The following RAB27B variants were observed in gnomAD, a reference collection of about 807,000 sequenced individuals.
RAB27B encodes the protein RAB27B, member RAS oncogene family.
RAB27B carries 15 observed loss-of-function variants against 24.6 expected under a neutral mutation model. That is an observed-to-expected ratio of 0.61 (90% confidence interval 0.41 to 0.94). The LOEUF (loss-of-function observed/expected upper bound fraction) is 0.94. Among genes scored for constraint, RAB27B ranks in the 40% least tolerant of loss-of-function variants. The probability of loss-of-function intolerance (pLI) is 0.00; values close to 1 mark genes in which losing one functional copy is unlikely to be tolerated. For synonymous variants in RAB27B, 105 were observed against 92.5 expected (o/e 1.14, Z -0.78); for missense variants, 261 against 266.8 (o/e 0.98, Z 0.15).
chr18:54,806,963 G>A (rs1286413311), intron 2 of RAB27B, among the ~76,000 whole-genome samples: 4 of 152,060 alleles, frequency 2.6e-5, no homozygotes, highest in Non-Finnish European at 4.4e-5. Context: ...CTGGAGTCCA[G>A]TGGCACAATC....
chr18:54,839,126 T>G (rs567098410), intron 1 of RAB27B, among the ~76,000 whole-genome samples: 1 of 152,224 alleles, frequency 6.6e-6, no homozygotes, highest in Non-Finnish European at 1.5e-5. Context: ...TTATCAAGGG[T>G]GAAAATATGC....
rs533155947 is a variant in RAB27B at position 54,731,618 on chromosome 18, G to C, written c.-20+13477G>C. Among the ~76,000 whole-genome samples the C allele has an allele frequency of 2.0e-5, 3 of 152,276 alleles. No individual in the cohort carries two copies. The South Asian group carries it at 6.2e-4, about 32-fold the overall frequency. On this transcript the variant is annotated intron_variant, in intron 2 of 4. Coordinates refer to the RAB27B transcript ENST00000586570. ...GCCTGTAATCCCAGCTACTCAGAAG[G>C]CTGAGGCAGGAGAATTGCTTGAACC...
chr18:54,819,151 TA>T (rs1910213018), intron 2 of RAB27B, among the ~76,000 whole-genome samples: 1 of 147,912 alleles, frequency 6.8e-6, no homozygotes, highest in East Asian at 1.9e-4. Context: ...TTATTATAAA[TA>T]ATTATATATT....
chr18:54,856,967 A>G (rs1598965507), intron 1 of RAB27B, among the ~76,000 whole-genome samples: 1 of 152,258 alleles, frequency 6.6e-6, no homozygotes, highest in African/African-American at 2.4e-5. Flanking sequence ...TGCTTTTCAA[A>G]TGTTTTTAAA....
chr18:54,780,233 A>G (rs1433781571), intron 2 of RAB27B, among the ~76,000 whole-genome samples: 3 of 75,918 alleles, frequency 4.0e-5, no homozygotes, highest in African/African-American at 5.5e-5. Flanking sequence ...TCTCCAGACA[A>G]CCTCCCCCTC....
chr18:54,735,343 C>G (rs1465230071), intron 2 of RAB27B, among the ~76,000 whole-genome samples: 1 of 152,104 alleles, frequency 6.6e-6, no homozygotes, highest in Non-Finnish European at 1.5e-5. Context: ...GTTCTTCAGT[C>G]ACACTCTCCA....
intron 1 of RAB27B, among the ~76,000 whole-genome samples, chr18:54,873,195 A>G (rs1297948092): frequency 6.6e-6 from 1 of 152,192 alleles, no homozygotes; most frequent in Non-Finnish European, 1.5e-5. Context: ...GAGGGGCTAG[A>G]CCACCTGATT....
At chr18:54,825,015 A>C (rs1218115286), upstream of RAB27B, among the ~76,000 whole-genome samples, 2 of 152,176 alleles carry the variant, frequency 1.3e-5, no homozygotes, top group African/African-American at 4.8e-5. Flanking sequence ...AAAATGGCAC[A>C]CAGGATGTAT....
chr18:54,864,496 A>AT (rs75004605), intron 1 of RAB27B, among the ~76,000 whole-genome samples: 1,690 of 149,902 alleles, frequency 0.011, 28 homozygotes, highest in African/African-American at 0.039. Context: ...AAAAGTTTTT[A>AT]TTTTTTTTTC....
chr18:54,751,839 A>G (rs911152786), intron 2 of RAB27B, among the ~76,000 whole-genome samples: 4 of 152,204 alleles, frequency 2.6e-5, no homozygotes, highest in Admixed American at 2.0e-4. Flanking sequence ...GAGATGACAC[A>G]GTCATTACAG....
intron 2 of RAB27B, among the ~76,000 whole-genome samples, chr18:54,806,735 A>G (rs1014154731): frequency 7.9e-5 from 12 of 151,784 alleles, no homozygotes; most frequent in Non-Finnish European, 1.8e-4. Flanking sequence ...TGAGTCATTA[A>G]CACCATATTT....
intron 2 of RAB27B, among the ~76,000 whole-genome samples, chr18:54,878,908 C>A (rs540079516): frequency 6.6e-6 from 1 of 152,036 alleles, no homozygotes; most frequent in African/African-American, 2.4e-5. Flanking sequence ...AAAAGATATT[C>A]GGATATTTGT....
intron 2 of RAB27B, among the ~76,000 whole-genome samples, chr18:54,721,459 A>G (rs1909355416): frequency 6.6e-6 from 1 of 152,238 alleles, no homozygotes. Context: ...TTCACATAAT[A>G]GTGAACGTTG....
At chr18:54,841,154 C>CGGGCGGG (rs1265299623) in intron 1 of RAB27B, among the ~76,000 whole-genome samples, 2 of 8,648 alleles carry the variant, frequency 2.3e-4, no homozygotes, top group East Asian at 3.4e-3. Flanking sequence ...CTTTGGGTGG[C>CGGGCGGG]GGGGCGGTGG....
At chr18:54,761,036 A>G (rs1182827642) in intron 2 of RAB27B, among the ~76,000 whole-genome samples, 2 of 151,428 alleles carry the variant, frequency 1.3e-5, no homozygotes, top group Non-Finnish European at 2.9e-5. Context: ...TATTTGCTTG[A>G]GAATCTGATA....
At chr18:54,785,639 C>A (rs1017180234) in intron 2 of RAB27B, among the ~76,000 whole-genome samples, 1 of 151,984 alleles carries the variant, frequency 6.6e-6, no homozygotes, top group African/African-American at 2.4e-5. Context: ...AGAATATAAG[C>A]TCCATGAAAG....
chr18:54,867,477 C>T (rs1331455764), intron 1 of RAB27B, among the ~76,000 whole-genome samples: 5 of 123,592 alleles, frequency 4.0e-5, no homozygotes, highest in South Asian at 2.7e-4. Context: ...GATGGAGTCT[C>T]GCTCTGTTGC....
At chr18:54,853,216 G>A (rs1568098066) in intron 1 of RAB27B, among the ~76,000 whole-genome samples, 1 of 152,092 alleles carries the variant, frequency 6.6e-6, no homozygotes, top group Non-Finnish European at 1.5e-5. Flanking sequence ...TGTCAGTGAG[G>A]GCACAATTAT....
intron 2 of RAB27B, among the ~76,000 whole-genome samples, chr18:54,765,128 A>G (rs1283535683): frequency 1.3e-5 from 2 of 152,220 alleles, no homozygotes; most frequent in Admixed American, 6.5e-5. Flanking sequence ...AAAGAAAACC[A>G]CATGACTTTG....
Sources: allele counts gnomAD v4.1 joint callset (sites outside exome capture counted in the v4.1 genomes callset), GRCh38; gene constraint gnomAD v4.1.1; transcripts MANE v1.5; gene names NCBI Gene and HGNC (gene_info 2026-07-23, HGNC 2026-07-21).